RXFP1: variants seen among roughly 807,000 people sequenced by gnomAD.
The protein encoded by RXFP1 is relaxin receptor 1.
A neutral mutation model predicts 89.8 loss-of-function variants in RXFP1; 73 were observed. That is an observed-to-expected ratio of 0.81 (90% CI 0.67 to 0.99). The LOEUF is 0.99. RXFP1 is among the 50% of genes least tolerant of loss of function. RXFP1 has a pLI of 0.00. For synonymous variants in RXFP1, 277 were observed against 305.5 expected (o/e 0.91, Z 0.97); for missense variants, 793 against 895.5 (o/e 0.89, Z 1.46).
intron 1 of RXFP1, among the ~76,000 whole-genome samples, chr4:158,567,213 G>A (rs1753767360): frequency 6.6e-6 from 1 of 152,168 alleles, no homozygotes; most frequent in Admixed American, 6.5e-5. Flanking sequence ...CACAGCCGGA[G>A]CCTCCCCGAC....
rs536706251 is a variant in RXFP1 at position 158,616,962 on chromosome 4, C to A, written c.681-169C>A. On this transcript the variant is annotated intron_variant, in intron 8 of 17. Coordinates refer to ENST00000307765, the MANE Select transcript of RXFP1 (RefSeq NM_021634.4). ...TTCCATGAGCTGAGATCGTGTCACA[C>A]CACTCCAGCCTGAGTGCCTCCATCT... Among the ~76,000 whole-genome samples, 17 of 149,926 alleles carry A rather than the reference C, an allele frequency of 1.1e-4. 1 individual carries two copies. The South Asian group carries it at 2.7e-3, about 24-fold the overall frequency.
chr4:158,556,224 C>CAAAAAAAAAAAAAAAATTAAAAAA (rs1751261859), intron 1 of RXFP1, among the ~76,000 whole-genome samples: 1 of 132,478 alleles, frequency 7.5e-6, no homozygotes, highest in Non-Finnish European at 1.6e-5. Context: ...AACTTAACAG[C>CAAAAAAAAAAAAAAAATTAAAAAA]AAAAAAAAAA....
chr4:158,533,134 T>C (rs1744465425), intron 1 of RXFP1, among the ~76,000 whole-genome samples: 1 of 152,166 alleles, frequency 6.6e-6, no homozygotes, highest in Non-Finnish European at 1.5e-5. Flanking sequence ...TGGATCTTAA[T>C]GTTCAAGACC....
intron 3 of RXFP1, among the ~76,000 whole-genome samples, chr4:158,596,673 T>C (rs1035638189): frequency 1.3e-5 from 2 of 152,172 alleles, no homozygotes; most frequent in African/African-American, 4.8e-5. Context: ...TCACATGATA[T>C]AAAAGACAAA....
intron 1 of RXFP1, among the ~76,000 whole-genome samples, chr4:158,547,356 C>G (rs1038788591): frequency 1.3e-5 from 2 of 152,160 alleles, no homozygotes; most frequent in African/African-American, 4.8e-5. Context: ...CTTTATTACT[C>G]TTGCTAGCTG....
At position 158,619,400 on chromosome 4, in the gene RXFP1, GACAT is replaced by G. The variant is rs921171018; in HGVS notation, c.755+2202_755+2205del. ...TCTAACAAGCAACAAGAAGATGTGGGACATACATACTATTTCACCTTTGGCAGAG... is the reference window on the plus strand; with the variant it reads ...TCTAACAAGCAACAAGAAGATGTGGGACATACTATTTCACCTTTGGCAGAG... On this transcript the variant is annotated intron_variant, in intron 9 of 17. Transcript: ENST00000307765. 8.7e-4 allele frequency among the ~76,000 whole-genome samples: 132 copies of G among 152,282 alleles called. 1 individual carries two copies. The highest frequency in any genetic ancestry group is 2.9e-3 in the African/African-American group (119 of 41,560).
chr4:158,556,543 C>T (rs1751350507), intron 1 of RXFP1, among the ~76,000 whole-genome samples: 1 of 152,100 alleles, frequency 6.6e-6, no homozygotes, highest in Non-Finnish European at 1.5e-5. Flanking sequence ...CCATATGATC[C>T]AGCAATCCTA....
chr4:158,527,564 A>ATATATATATATATGTATATAT (rs1553989393), intron 1 of RXFP1, among the ~76,000 whole-genome samples: 1 of 98,338 alleles, frequency 1.0e-5, no homozygotes, highest in African/African-American at 3.5e-5. Context: ...AAAAAAAAAA[A>ATATATATATATATGTATATAT]ATATATATAT....
intron 14 of RXFP1, among the ~76,000 whole-genome samples, chr4:158,643,340 G>T (rs1205082379): frequency 2.0e-5 from 3 of 152,050 alleles, no homozygotes; most frequent in Non-Finnish European, 4.4e-5. Context: ...CTCACTAACT[G>T]CCTAAATACT....
intron 8 of RXFP1, among the ~76,000 whole-genome samples, chr4:158,614,118 A>G (rs2150138056): frequency 6.6e-6 from 1 of 152,320 alleles, no homozygotes; most frequent in South Asian, 2.1e-4. Context: ...TTAGTAAACC[A>G]TGCTGTAAAC....
rs760567735 is a variant in RXFP1, at chr4:158,652,966, G to A, written c.*911G>A. 6.6e-6 allele frequency: 1 copy of A among 152,198 alleles called. No homozygotes were observed. Among genetic ancestry groups the A allele is most frequent in the African/African-American group, 2.4e-5 (1 of 41,450 alleles). 9.4% of individuals were successfully genotyped at this position (152,198 alleles called of 1,614,324 possible). A position where few individuals can be genotyped will look rare whatever the true frequency, so the allele number is the denominator to read the frequency against. ...ATTCACCCACTTTAGATGGGTGAAT[G>A]TTATGGTGTGTGAAATATCTCAGTA... On this transcript the variant is annotated 3_prime_UTR_variant, in exon 18 of 18. Coordinates refer to ENST00000307765, the MANE Select transcript of RXFP1 (RefSeq NM_021634.4).
At chr4:158,643,150 C>A (rs1288438411) in intron 14 of RXFP1, among the ~76,000 whole-genome samples, 1 of 152,188 alleles carries the variant, frequency 6.6e-6, no homozygotes, top group Non-Finnish European at 1.5e-5. Context: ...CCATGTTGAA[C>A]ATGCTTGGCC....
intron 8 of RXFP1, among the ~76,000 whole-genome samples, chr4:158,615,820 C>T (rs889268641): frequency 6.6e-6 from 1 of 151,990 alleles, no homozygotes; most frequent in Non-Finnish European, 1.5e-5. Flanking sequence ...AGCATGGCGA[C>T]ACATGCCTGT....
At chr4:158,555,896 C>G (rs1464217065) in intron 1 of RXFP1, among the ~76,000 whole-genome samples, 4 of 152,138 alleles carry the variant, frequency 2.6e-5, no homozygotes, top group Non-Finnish European at 5.9e-5. Flanking sequence ...AATGAGATTA[C>G]ACCCCTCCCT....
Position 158,647,014 on chromosome 4 carries a change from T to G in RXFP1, c.1569T>G (p.Pro523=). The part of the protein sequence containing the change: ...CIVYPFRCVR[P]GKCRTITVLI... ...TCTATCCTTTTAGATGTGTGAGACC[T>G]GGAAAATGCAGAACAATTACAGTTC... The change falls in exon 16 of 18, where the codon CCT becomes CCG. Residue 523 remains proline (P), a synonymous_variant. Transcript: ENST00000307765. The G allele has an allele frequency of 6.2e-7, 1 of 1,614,156 alleles. No homozygotes were observed. The highest frequency in any genetic ancestry group is 8.5e-7 in the Non-Finnish European group (1 of 1,179,996).
Position 158,543,504 on chromosome 4 carries a change from T to TG in RXFP1, c.49+21483dup, listed in dbSNP as rs141643259. Among the ~76,000 whole-genome samples the TG allele has an allele frequency of 9.6e-3, 1,467 of 152,282 alleles. 24 individuals carry two copies. The highest frequency in any genetic ancestry group is 0.034 in the African/African-American group (1,398 of 41,564). ...CAGAAACAGGAGTCACCTTATTGCTTGGGGCAGTCACCTCATCTAATGGTG... is the reference window on the plus strand; with the variant it reads ...CAGAAACAGGAGTCACCTTATTGCTTGGGGGCAGTCACCTCATCTAATGGTG... On this transcript the variant is annotated intron_variant, in intron 1 of 17. Transcript: ENST00000307765.
intron 1 of RXFP1, among the ~76,000 whole-genome samples, chr4:158,547,919 A>G (rs1464881679): frequency 6.6e-6 from 1 of 152,058 alleles, no homozygotes; most frequent in African/African-American, 2.4e-5. Flanking sequence ...AAAAAAATGT[A>G]TATTCTGTTG....
chr4:158,568,200 C>T (rs912467333), intron 1 of RXFP1, among the ~76,000 whole-genome samples: 2 of 152,192 alleles, frequency 1.3e-5, no homozygotes, highest in African/African-American at 4.8e-5. Context: ...AGACTCGCTG[C>T]TTCTAAGAAC....
chr4:158,623,524 A>AAAAAAAAAAAAAAAC (rs1766082769), intron 9 of RXFP1, among the ~76,000 whole-genome samples: 1 of 148,298 alleles, frequency 6.7e-6, no homozygotes, highest in Non-Finnish European at 1.5e-5. Context: ...AAAAAAAAAA[A>AAAAAAAAAAAAAAAC]AAGATAATCC....
Sources: gnomAD v4.1 joint callset for allele counts (sites outside exome capture counted in the v4.1 genomes callset) on GRCh38, gnomAD v4.1.1 for gene constraint, MANE v1.5 for transcripts, NCBI Gene and HGNC (gene_info 2026-07-23, HGNC 2026-07-21) for gene names.